Variants in RFX7 observed in about 807,000 individuals in gnomAD.
RFX7 encodes the protein regulatory factor X7, also known as DNA-binding protein RFX7.
In RFX7, 26 loss-of-function variants were observed where a neutral mutation model predicts 111.8. The observed-to-expected ratio is 0.23, with a 90% CI of 0.17 to 0.32. RFX7 has a LOEUF of 0.32. Among genes scored for constraint, RFX7 ranks in the 10% least tolerant of loss-of-function variants. The pLI is 1.00. For missense variants in RFX7, 1,573 were observed against 1,772.9 expected (o/e 0.89, Z 2.02); for synonymous variants, 624 against 624.4 (o/e 1.00, Z 0.01).
At chr15:56,231,541 C>A (rs1230197648) in intron 2 of RFX7, among the ~76,000 whole-genome samples, 25 of 152,086 alleles carry the variant, frequency 1.6e-4, no homozygotes, top group African/African-American at 6.0e-4. Flanking sequence ...TATCTCCCAC[C>A]AAGTCCCTCC....
intron 5 of RFX7, among the ~76,000 whole-genome samples, chr15:56,135,187 C>T (rs1259838817): frequency 1.3e-5 from 2 of 152,178 alleles, no homozygotes; most frequent in Non-Finnish European, 2.9e-5. Flanking sequence ...GAGGAATCGC[C>T]ATACTGACTT....
intron 5 of RFX7, among the ~76,000 whole-genome samples, chr15:56,136,183 T>C (rs1410311449): frequency 2.0e-5 from 3 of 151,624 alleles, no homozygotes; most frequent in East Asian, 1.9e-4. Context: ...GGGGATGGCA[T>C]TGAATCTGTA....
intron 2 of RFX7, among the ~76,000 whole-genome samples, chr15:56,205,846 C>T (rs1400875975): frequency 6.6e-6 from 1 of 152,100 alleles, no homozygotes; most frequent in Admixed American, 6.5e-5. Flanking sequence ...CTAAAGCAAT[C>T]AGACACTCAC....
At chr15:56,182,598 ATCACACTGTACTTT>A (rs2042986145) in intron 2 of RFX7, among the ~76,000 whole-genome samples, 1 of 152,162 alleles carries the variant, frequency 6.6e-6, no homozygotes, top group African/African-American at 2.4e-5. Context: ...TGTAAATTCC[ATCACACTGTACTTT>A]TCTACAATTT....
intron 7 of RFX7, 110 bp from the exon 8 acceptor site, chr15:56,101,676 T>G: frequency 9.4e-7 from 1 of 1,058,380 alleles, no homozygotes; most frequent in Non-Finnish European, 1.4e-6. Flanking sequence ...AATCTGTGGG[T>G]TAAAGTAGTA....
intron 2 of RFX7, among the ~76,000 whole-genome samples, chr15:56,180,750 CA>C (rs869160446): frequency 0.33 from 21,319 of 65,578 alleles, 1,914 homozygotes; most frequent in East Asian, 0.53. Context: ...TACTAAAATA[CA>C]AAAAAAAAAA....
At chr15:56,223,178 T>C (rs111966141) in intron 2 of RFX7, among the ~76,000 whole-genome samples, 1 of 152,068 alleles carries the variant, frequency 6.6e-6, no homozygotes, top group East Asian at 1.9e-4. Context: ...GCCCCAACAG[T>C]TGTTCTTAGA....
At chr15:56,101,925 A>C (rs540449376) in intron 7 of RFX7, among the ~76,000 whole-genome samples, 1 of 152,318 alleles carries the variant, frequency 6.6e-6, no homozygotes, top group African/African-American at 2.4e-5. Context: ...CTATACACAC[A>C]TATAGTCAAT....
intron 2 of RFX7, among the ~76,000 whole-genome samples, chr15:56,218,253 C>A (rs1159018019): frequency 7.7e-6 from 1 of 130,698 alleles, no homozygotes; most frequent in East Asian, 2.5e-4. Context: ...CTCCCGGGTT[C>A]AAGCAATTCT....
At chr15:56,131,425 C>G (rs2054193599) in intron 5 of RFX7, among the ~76,000 whole-genome samples, 1 of 152,074 alleles carries the variant, frequency 6.6e-6, no homozygotes, top group Non-Finnish European at 1.5e-5. Context: ...TGCCACCATG[C>G]CCAGCTAATT....
chr15:56,108,559 TAA>T (rs1234027034), intron 5 of RFX7, among the ~76,000 whole-genome samples: 5 of 152,048 alleles, frequency 3.3e-5, no homozygotes, highest in East Asian at 3.9e-4. Context: ...CTCAAAATAA[TAA>T]GAGTTATTTA....
chr15:56,239,516 C>T (rs547536566), intron 2 of RFX7, among the ~76,000 whole-genome samples: 3 of 152,138 alleles, frequency 2.0e-5, no homozygotes, highest in Admixed American at 1.3e-4. Flanking sequence ...ATCCGCCCGC[C>T]TCAGCCTCCC....
chr15:56,227,807 C>G (rs2043502346), intron 2 of RFX7, among the ~76,000 whole-genome samples: 1 of 152,150 alleles, frequency 6.6e-6, no homozygotes, highest in Non-Finnish European at 1.5e-5. Context: ...TTTCTTCTCA[C>G]TCTTCCTTTA....
intron 5 of RFX7, among the ~76,000 whole-genome samples, chr15:56,120,447 A>T (rs1271557767): frequency 1.3e-5 from 2 of 152,166 alleles, no homozygotes; most frequent in African/African-American, 4.8e-5. Flanking sequence ...AAGACAGATA[A>T]TTTGACCCTT....
intron 2 of RFX7, among the ~76,000 whole-genome samples, chr15:56,213,668 T>C (rs529159523): frequency 1.5e-4 from 23 of 152,272 alleles, no homozygotes; most frequent in African/African-American, 5.5e-4. Flanking sequence ...ATGACACCAC[T>C]GGGGGACTGG....
intron 5 of RFX7, among the ~76,000 whole-genome samples, chr15:56,128,098 A>G (rs1595947293): frequency 6.6e-6 from 1 of 152,344 alleles, no homozygotes; most frequent in Non-Finnish European, 1.5e-5. Flanking sequence ...AGATAACCTG[A>G]CCAGTAACAG....
intron 2 of RFX7, among the ~76,000 whole-genome samples, chr15:56,236,084 C>T (rs1267504805): frequency 6.6e-6 from 1 of 152,036 alleles, no homozygotes; most frequent in Non-Finnish European, 1.5e-5. Flanking sequence ...AAAATTTCAC[C>T]TCCCACACAA....
Position 56,243,573 on chromosome 15 carries a change from G to A in RFX7, c.-131C>T. 1 of 896,620 alleles carries A rather than the reference G, an allele frequency of 1.1e-6. No individual in the cohort carries two copies. The highest frequency in any genetic ancestry group is 1.3e-6 in the Non-Finnish European group (1 of 750,600). 55.5% of individuals were successfully genotyped at this position (896,620 alleles called of 1,614,324 possible). ...CGGCGCCCCTCAGCCCCCCGCTGGCGCCGCCGCCTCCTCCCGTCAGCGGCC... is the reference window on the plus strand; with the variant it reads ...CGGCGCCCCTCAGCCCCCCGCTGGCACCGCCGCCTCCTCCCGTCAGCGGCC... On this transcript the variant is annotated 5_prime_UTR_variant, in exon 1 of 10. Coordinates refer to ENST00000559447, the MANE Select transcript of RFX7 (RefSeq NM_022841.7).
rs553279543 is a variant in RFX7 at position 56,112,949 on chromosome 15, G to T, written c.402-9279C>A. 8.5e-5 allele frequency among the ~76,000 whole-genome samples: 13 copies of T among 152,260 alleles called. 1 individual carries two copies. In the South Asian group the frequency reaches 2.7e-3, roughly 32 times the overall value. ...GAGAAATGCAAATCAAAACCACAAA[G>T]AGATACCATCTCATGCCGGTCAGAA... On this transcript the variant is annotated intron_variant, in intron 5 of 9. Coordinates refer to ENST00000559447, the MANE Select transcript of RFX7 (RefSeq NM_022841.7).
Sources: allele counts gnomAD v4.1 joint callset (sites outside exome capture counted in the v4.1 genomes callset), GRCh38; gene constraint gnomAD v4.1.1; transcripts MANE v1.5; gene names NCBI Gene and HGNC (gene_info 2026-07-23, HGNC 2026-07-21).